The following NLRC4 variants were observed in gnomAD, a reference collection of about 807,000 sequenced individuals.
The protein encoded by NLRC4 is NLR family CARD domain-containing protein 4.
NLRC4 carries 63 observed loss-of-function variants against 79.9 expected under a neutral mutation model. The observed-to-expected ratio is 0.79, with a 90% CI of 0.64 to 0.97. The LOEUF (loss-of-function observed/expected upper bound fraction) is 0.97. NLRC4 is among the 50% of genes least tolerant of loss of function. The pLI is 0.00. For synonymous variants in NLRC4, 461 were observed against 456.5 expected, an observed-to-expected ratio of 1.01 and a Z score of -0.12; for missense variants, 1,074 against 1,215.2, an observed-to-expected ratio of 0.88 and a Z score of 1.73.
At chr2:32,258,145 C>G (rs1687252142) in intron 1 of NLRC4, among the ~76,000 whole-genome samples, 1 of 152,078 alleles carries the variant, frequency 6.6e-6, no homozygotes, top group South Asian at 2.1e-4. Context: ...GGAGTAAGAC[C>G]GCCACCAACT....
intron 7 of NLRC4, 131 bp from the exon 8 acceptor site, chr2:32,235,699 CT>C: frequency 2.7e-6 from 2 of 743,132 alleles, no homozygotes; most frequent in Middle Eastern, 4.1e-4. Context: ...TGAGAATCTA[CT>C]TAATTTTTGG....
chr2:32,246,220 T>A (rs967876701), intron 4 of NLRC4, among the ~76,000 whole-genome samples: 15 of 152,274 alleles, frequency 9.9e-5, no homozygotes, highest in South Asian at 2.1e-4. Flanking sequence ...ATACTTTTTT[T>A]AAATGGCAAA....
rs953502995 is a variant in NLRC4 at position 32,245,322 on chromosome 2, A to C, written c.2258-4197T>G. 6.6e-5 allele frequency among the ~76,000 whole-genome samples: 10 copies of C among 151,322 alleles called. 1 individual carries two copies. The highest frequency in any genetic ancestry group is 5.3e-4 in the Admixed American group (8 of 15,170). On this transcript the variant is annotated intron_variant, in intron 4 of 8. Transcript: ENST00000402280. ...TGAGACTCCTTCTCAAAAAAAAAAA[A>C]AAAAAAAAAAACAGATGAATAGAGG...
chr2:32,245,879 C>A (rs879608062), intron 4 of NLRC4, among the ~76,000 whole-genome samples: 1 of 152,112 alleles, frequency 6.6e-6, no homozygotes, highest in Non-Finnish European at 1.5e-5. Flanking sequence ...GTTATGTATA[C>A]CTTTAAAAAA....
At position 32,245,443 on chromosome 2, in the gene NLRC4, C is replaced by A. The variant is rs776992499; in HGVS notation, c.2257+4164G>T. The stretch of plus-strand genomic sequence containing the variant: ...CTAAAAATCAAAACAATTGAACTCA[C>A]GGAGAGTAGAAGGATGGTTACCAGA... On this transcript the variant is annotated intron_variant, in intron 4 of 8. Transcript: ENST00000402280. Among the ~76,000 whole-genome samples the A allele has an allele frequency of 1.0e-3, 156 of 150,934 alleles. 1 individual carries two copies. The Middle Eastern group carries it at 0.02, about 20-fold the overall frequency.
At chr2:32,262,397 A>G (rs537500913) in intron 1 of NLRC4, among the ~76,000 whole-genome samples, 1 of 152,362 alleles carries the variant, frequency 6.6e-6, no homozygotes, top group African/African-American at 2.4e-5. Context: ...TAAGATGTAT[A>G]AAGTTTTTAA....
intron 8 of NLRC4, among the ~76,000 whole-genome samples, chr2:32,233,349 A>ATATATATATATATATATATAT (rs1418146489): frequency 2.4e-5 from 1 of 41,096 alleles, no homozygotes; most frequent in South Asian, 9.7e-4. Flanking sequence ...ATATATATAT[A>ATATATATATATATATATATAT]TTTTTTTTTT....
chr2:32,254,103 A>ATGTT (rs1687149677), intron 2 of NLRC4, among the ~76,000 whole-genome samples: 1 of 151,992 alleles, frequency 6.6e-6, no homozygotes. Flanking sequence ...ATTTCAAGCT[A>ATGTT]ACAGCGTATG....
Position 32,256,862 on chromosome 2 carries a change from G to T in NLRC4, c.-87C>A. ...AAAGGTCAAAGGTGATCCCAATATT[G>T]TCCTCTTTTTTCTGTAAAACTACTC... On this transcript the variant is annotated 5_prime_UTR_variant, in exon 2 of 9. Coordinates refer to ENST00000402280, the MANE Select transcript of NLRC4 (RefSeq NM_001199138.2). 1 of 749,514 alleles carries T rather than the reference G, an allele frequency of 1.3e-6. No homozygotes were observed. The highest frequency in any genetic ancestry group is 2.5e-6 in the Non-Finnish European group (1 of 402,284). The allele number at this position is 749,514 out of a possible 1,614,324, so 46.4% of individuals were successfully genotyped here. A position where few individuals can be genotyped will look rare whatever the true frequency, so the allele number is the denominator to read the frequency against.
chr2:32,240,101 C>G (rs1177851519), intron 5 of NLRC4, among the ~76,000 whole-genome samples: 1 of 152,176 alleles, frequency 6.6e-6, no homozygotes, highest in Non-Finnish European at 1.5e-5. Flanking sequence ...CTTCCTCAGC[C>G]TCCCAAGTAG....
intron 4 of NLRC4, among the ~76,000 whole-genome samples, chr2:32,244,160 G>A (rs1011769049): frequency 4.6e-5 from 7 of 152,198 alleles, no homozygotes; most frequent in African/African-American, 1.4e-4. Flanking sequence ...TGAGGTGGGT[G>A]GATCTGTTGA....
chr2:32,236,429 C>A, intron 6 of NLRC4, 90 bp from the exon 7 acceptor site: 1 of 746,232 alleles, frequency 1.3e-6, no homozygotes, highest in Non-Finnish European at 2.2e-6. Flanking sequence ...TGAGTTTTAT[C>A]TTCTCTGCTA....
At chr2:32,240,481 G>A (rs1005730221) in intron 5 of NLRC4, among the ~76,000 whole-genome samples, 1 of 151,298 alleles carries the variant, frequency 6.6e-6, no homozygotes, top group African/African-American at 2.4e-5. Flanking sequence ...AATCCTCCCT[G>A]GCCTGCAGGG....
chr2:32,257,760 G>A (rs1229225595), intron 1 of NLRC4, among the ~76,000 whole-genome samples: 3 of 152,058 alleles, frequency 2.0e-5, no homozygotes, highest in Admixed American at 1.3e-4. Flanking sequence ...CCCCTTCGCA[G>A]GGCTTGCGAT....
chr2:32,225,707 G>A (rs918494404), intron 8 of NLRC4, among the ~76,000 whole-genome samples: 2 of 152,136 alleles, frequency 1.3e-5, no homozygotes, highest in African/African-American at 2.4e-5. Context: ...GAAGTACAGA[G>A]TGGACAGACA....
intron 8 of NLRC4, among the ~76,000 whole-genome samples, chr2:32,227,092 A>G (rs1204028381): frequency 2.0e-5 from 3 of 151,976 alleles, no homozygotes; most frequent in African/African-American, 4.8e-5. Flanking sequence ...CCCCTCTTCT[A>G]CTAGGTTGAA....
In NLRC4 at chr2:32,250,640, G is replaced by A. The variant is rs761437489; in HGVS notation, c.1224C>T (p.Phe408=). ...TCACGCTGGACACATCCTGCAGTTC[G>A]AAATCAAACTTGTGGGAGAACACAC... ...LEGVFSHKFD[F]ELQDVSSVNE... The change falls in exon 4 of 9, where the codon TTC becomes TTT. Residue 408 remains phenylalanine (F), a synonymous_variant. Transcript: ENST00000402280. The surrounding 1 kb of genome is among the most constrained non-coding windows in gnomAD (Gnocchi z 4.9). The A allele has an allele frequency of 2.5e-6, 4 of 1,614,114 alleles. No individual in the cohort carries two copies. The highest frequency in any genetic ancestry group is 1.7e-5 in the Admixed American group (1 of 60,008).
rs377761629 is a variant in NLRC4, at chr2:32,250,148, G to C, written c.1716C>G (p.Ser572Arg). ...YQESTSKSAL[S>R]QEFEAFFQGK... ...CTTGAAAGAAAGCTTCAAATTCTTG[G>C]CTCAGGGCTGATTTGGATGTACTCT... Residue 572 changes from serine (S) to arginine (R), a missense_variant, in exon 4 of 9, where the codon AGC becomes AGG. Physicochemically the swap from Ser to Arg is moderately radical, Grantham distance 110. Transcript: ENST00000402280. This position sits in a 1 kb window ranked among gnomAD's most constrained non-coding sequence, Gnocchi z 4.9. 5 of 1,614,082 alleles carry C rather than the reference G, an allele frequency of 3.1e-6. No individual in the cohort carries two copies. In the African/African-American group the frequency reaches 6.7e-5, roughly 22 times the overall value.
At chr2:32,237,824 G>A (rs886621322) in intron 6 of NLRC4, among the ~76,000 whole-genome samples, 1 of 151,980 alleles carries the variant, frequency 6.6e-6, no homozygotes, top group African/African-American at 2.4e-5. Context: ...TGTTTATTAG[G>A]CAGTAAATTA....
Sources: gnomAD v4.1 joint callset for allele counts (sites outside exome capture counted in the v4.1 genomes callset) on GRCh38, gnomAD v4.1.1 for gene constraint, Gnocchi (gnomAD v3.1) non-coding constraint, MANE v1.5 for transcripts, NCBI Gene and HGNC (gene_info 2026-07-23, HGNC 2026-07-21) for gene names.